CCSER1: variants seen among roughly 807,000 people sequenced by gnomAD.
The protein encoded by CCSER1 is coiled-coil serine rich protein 1.
Under a neutral mutation model 82.0 loss-of-function variants are expected in CCSER1, and 41 were observed. The observed-to-expected ratio is 0.50, with a 90% CI of 0.39 to 0.65. CCSER1 has a LOEUF of 0.65. CCSER1 is among the 30% of genes least tolerant of loss of function. The pLI is 0.00. For missense variants in CCSER1, 1,119 were observed against 1,064.2 expected (o/e 1.05, Z -0.72); for synonymous variants, 414 against 383.9 (o/e 1.08, Z -0.92).
intron 6 of CCSER1, among the ~76,000 whole-genome samples, chr4:90,671,769 A>C (rs1732847072): frequency 6.6e-6 from 1 of 152,040 alleles, no homozygotes; most frequent in Non-Finnish European, 1.5e-5. Flanking sequence ...AGGAATCACT[A>C]TCTATGAGAG....
At chr4:90,663,934 A>T (rs1407219275) in intron 6 of CCSER1, 1 of 292,728 alleles carries the variant, frequency 3.4e-6, no homozygotes, top group Non-Finnish European at 7.4e-6. Context: ...ATGCTTAAGA[A>T]TGTAAGTTAC....
At chr4:90,176,365 G>T (rs566522763) in intron 1 of CCSER1, among the ~76,000 whole-genome samples, 3 of 152,092 alleles carry the variant, frequency 2.0e-5, no homozygotes, top group Middle Eastern at 3.4e-3. Context: ...TGCAACTTCC[G>T]CAGAGAAGGC....
chr4:91,296,364 T>C (rs905865813), intron 10 of CCSER1, among the ~76,000 whole-genome samples: 5 of 150,120 alleles, frequency 3.3e-5, no homozygotes. Context: ...CCATATACTA[T>C]AATTTTTCCC....
intron 10 of CCSER1, among the ~76,000 whole-genome samples, chr4:91,172,911 A>T (rs1428179355): frequency 6.6e-6 from 1 of 152,190 alleles, no homozygotes. Context: ...TATATTTAAA[A>T]TACAAAAGTG....
intron 1 of CCSER1, among the ~76,000 whole-genome samples, chr4:90,245,875 G>T (rs1389065876): frequency 2.6e-5 from 4 of 152,052 alleles, no homozygotes; most frequent in African/African-American, 7.2e-5. Flanking sequence ...CAACCACAAG[G>T]AATCTAATAG....
At chr4:91,535,879 G>A (rs1761273251) in intron 10 of CCSER1, among the ~76,000 whole-genome samples, 1 of 152,040 alleles carries the variant, frequency 6.6e-6, no homozygotes, top group Admixed American at 6.6e-5. Flanking sequence ...TACTTATAAA[G>A]TAAGCAAGAC....
intron 1 of CCSER1, among the ~76,000 whole-genome samples, chr4:90,304,603 A>G (rs1408139148): frequency 6.6e-6 from 1 of 152,018 alleles, no homozygotes; most frequent in Non-Finnish European, 1.5e-5. Flanking sequence ...AACAATGAGA[A>G]CACATGGACA....
chr4:90,458,924 A>G (rs1310260370), intron 4 of CCSER1, among the ~76,000 whole-genome samples: 1 of 152,204 alleles, frequency 6.6e-6, no homozygotes, highest in Middle Eastern at 3.2e-3. Context: ...TGTGCAATGG[A>G]GAAAATGCCG....
intron 10 of CCSER1, among the ~76,000 whole-genome samples, chr4:91,585,964 C>T (rs982395945): frequency 6.6e-6 from 1 of 151,596 alleles, no homozygotes; most frequent in Non-Finnish European, 1.5e-5. Flanking sequence ...TCTTTTGTGG[C>T]ATATGTGTGA....
intron 5 of CCSER1, among the ~76,000 whole-genome samples, chr4:90,619,879 T>A (rs895373019): frequency 6.6e-6 from 1 of 152,042 alleles, no homozygotes; most frequent in African/African-American, 2.4e-5. Flanking sequence ...TTAACCTGGA[T>A]CTCAAGTCAC....
chr4:91,273,768 G>A (rs1742217762), intron 10 of CCSER1, among the ~76,000 whole-genome samples: 1 of 152,052 alleles, frequency 6.6e-6, no homozygotes, highest in Non-Finnish European at 1.5e-5. Flanking sequence ...ATTACACTGA[G>A]GTATGTCCCT....
intron 2 of CCSER1, among the ~76,000 whole-genome samples, chr4:90,312,507 G>C (rs1168778532): frequency 6.6e-6 from 1 of 152,086 alleles, no homozygotes; most frequent in Non-Finnish European, 1.5e-5. Context: ...AGTAGGCAGA[G>C]GTAGGAGAAT....
intron 10 of CCSER1, among the ~76,000 whole-genome samples, chr4:91,409,297 C>T (rs1752888208): frequency 6.6e-6 from 1 of 151,978 alleles, no homozygotes. Flanking sequence ...CTTATATTGC[C>T]CAATTTATTC....
intron 6 of CCSER1, among the ~76,000 whole-genome samples, chr4:90,672,037 A>T (rs1189987811): frequency 6.6e-6 from 1 of 152,038 alleles, no homozygotes; most frequent in Non-Finnish European, 1.5e-5. Flanking sequence ...ATGTCATTAA[A>T]CAGATATGTT....
At chr4:91,264,155 T>A (rs144420276) in intron 10 of CCSER1, among the ~76,000 whole-genome samples, 1,623 of 151,974 alleles carry the variant, frequency 0.011, 19 homozygotes, top group Middle Eastern at 0.037. Context: ...TCTAAAGCAC[T>A]TTTATATTGC....
chr4:90,202,369 A>C (rs1037829794), intron 1 of CCSER1, among the ~76,000 whole-genome samples: 1 of 151,988 alleles, frequency 6.6e-6, no homozygotes, highest in Non-Finnish European at 1.5e-5. Flanking sequence ...TGCCTGGCTA[A>C]CTTTGGTATT....
intron 9 of CCSER1, among the ~76,000 whole-genome samples, chr4:91,085,660 C>A (rs779525800): frequency 1.3e-5 from 2 of 152,012 alleles, no homozygotes; most frequent in African/African-American, 2.4e-5. Flanking sequence ...GTTTAAACAT[C>A]TTTGGTTTCA....
At chr4:90,957,246 C>CG (rs972831237) in intron 9 of CCSER1, among the ~76,000 whole-genome samples, 5 of 15,446 alleles carry the variant, frequency 3.2e-4, no homozygotes, top group Non-Finnish European at 8.9e-4. Flanking sequence ...GGATTACAGG[C>CG]CCCCCCCACC....
intron 10 of CCSER1, among the ~76,000 whole-genome samples, chr4:91,367,599 G>A (rs561067135): frequency 6.6e-6 from 1 of 152,062 alleles, no homozygotes; most frequent in East Asian, 1.9e-4. Context: ...CCTAGTCATA[G>A]TTTCTATCCT....
Sources: gnomAD v4.1 joint callset for allele counts (sites outside exome capture counted in the v4.1 genomes callset) on GRCh38, gnomAD v4.1.1 for gene constraint, MANE v1.5 for transcripts, NCBI Gene and HGNC (gene_info 2026-07-23, HGNC 2026-07-21) for gene names.